Variants in CTNNA3 observed in about 807,000 individuals in gnomAD.
CTNNA3 encodes the protein catenin alpha-3.
Under a neutral mutation model 95.7 loss-of-function variants are expected in CTNNA3, and 76 were observed. The ratio of observed to expected loss-of-function variants is 0.79; its 90% confidence interval spans 0.66 to 0.96. The LOEUF (loss-of-function observed/expected upper bound fraction) is 0.96. Ranked by LOEUF, CTNNA3 falls within the 40% of genes least tolerant of loss-of-function variation. The pLI is 0.00. For missense variants in CTNNA3, 1,191 were observed against 1,089.8 expected (o/e 1.09, Z -1.31); for synonymous variants, 431 against 374.4 (o/e 1.15, Z -1.74).
At chr10:67,716,953 T>A (rs1310566523) in intron 1 of CTNNA3, among the ~76,000 whole-genome samples, 2 of 152,212 alleles carry the variant, frequency 1.3e-5, no homozygotes, top group Non-Finnish European at 2.9e-5. Flanking sequence ...GTAAAGGCAT[T>A]CCTATTTCTC....
intron 7 of CTNNA3, among the ~76,000 whole-genome samples, chr10:66,838,932 T>C (rs975544453): frequency 6.6e-6 from 1 of 152,176 alleles, no homozygotes; most frequent in Non-Finnish European, 1.5e-5. Context: ...AGTCCTTGGG[T>C]AGCCCCAAAG....
At chr10:67,304,892 T>C (rs1306259417) in intron 5 of CTNNA3, among the ~76,000 whole-genome samples, 3 of 151,696 alleles carry the variant, frequency 2.0e-5, no homozygotes, top group Non-Finnish European at 2.9e-5. Flanking sequence ...CTAAAGAGTA[T>C]AGTAAGTCAA....
chr10:67,449,468 T>G (rs1846883832), intron 5 of CTNNA3, among the ~76,000 whole-genome samples: 1 of 151,740 alleles, frequency 6.6e-6, no homozygotes, highest in Admixed American at 6.6e-5. Context: ...AGCATGGTAG[T>G]GTTACAAAAA....
At chr10:66,124,724 T>C (rs1057108451) in intron 13 of CTNNA3, among the ~76,000 whole-genome samples, 2 of 152,172 alleles carry the variant, frequency 1.3e-5, no homozygotes, top group Non-Finnish European at 1.5e-5. Context: ...CTTACATGGA[T>C]GGAGGCAGGC....
At position 67,716,495 on chromosome 10, in the gene CTNNA3, C is replaced by T. The variant is rs143455350; in HGVS notation, c.-2+46939G>A. Among the ~76,000 whole-genome samples, 4 of 152,240 alleles carry T rather than the reference C, an allele frequency of 2.6e-5. No individual in the cohort carries two copies. In the East Asian group the frequency reaches 7.7e-4, roughly 29 times the overall value. On this transcript the variant is annotated intron_variant, in intron 1 of 17. Coordinates refer to the CTNNA3 transcript ENST00000684154. ...CTAGCCTCCACCCCTCAACAGGCCC[C>T]AGTGTGTGATGTTCCCCTCCCTGTG...
chr10:66,947,623 A>T (rs1848340275), intron 7 of CTNNA3, among the ~76,000 whole-genome samples: 1 of 152,198 alleles, frequency 6.6e-6, no homozygotes, highest in African/African-American at 2.4e-5. Context: ...CTAGGACTTC[A>T]TAATTTGTAT....
intron 9 of CTNNA3, among the ~76,000 whole-genome samples, chr10:66,727,783 A>AT (rs1201868081): frequency 6.6e-6 from 1 of 152,170 alleles, no homozygotes; most frequent in Non-Finnish European, 1.5e-5. Flanking sequence ...TGTGAAACCA[A>AT]TAGCCCAGTT....
intron 7 of CTNNA3, among the ~76,000 whole-genome samples, chr10:67,133,366 C>CATACATATATATATATAT (rs145480361): frequency 2.3e-4 from 29 of 124,584 alleles, no homozygotes; most frequent in African/African-American, 9.0e-4. Flanking sequence ...TACATACATA[C>CATACATATATATATATAT]ATATATATAT....
chr10:67,215,081 T>C (rs1210823268), intron 6 of CTNNA3, among the ~76,000 whole-genome samples: 1 of 152,014 alleles, frequency 6.6e-6, no homozygotes, highest in African/African-American at 2.4e-5. Flanking sequence ...TCTTAACTGC[T>C]TTTCAAAAAA....
chr10:66,449,380 C>T (rs1292913128), intron 11 of CTNNA3, among the ~76,000 whole-genome samples: 3 of 152,002 alleles, frequency 2.0e-5, no homozygotes, highest in Non-Finnish European at 4.4e-5. Context: ...GGAACGAACA[C>T]GTCAAATACC....
At chr10:66,918,603 T>C (rs1846615199) in intron 7 of CTNNA3, among the ~76,000 whole-genome samples, 2 of 152,158 alleles carry the variant, frequency 1.3e-5, no homozygotes. Context: ...AAAGTCCAAA[T>C]GACGTGGCAT....
Position 65,920,465 on chromosome 10 carries a change from C to T in CTNNA3, c.2553G>A (p.Lys851=), listed in dbSNP as rs115814032. 7.4e-4 allele frequency: 1,194 copies of T among 1,614,052 alleles called. 13 individuals carry two copies. The African/African-American group carries it at 0.015, about 20-fold the overall frequency. Residue 851 remains lysine, a synonymous_variant, in exon 18 of 18, where the codon AAG becomes AAA. Coordinates refer to ENST00000433211, the MANE Select transcript of CTNNA3 (RefSeq NM_013266.4). ...TAATCAAGGGTTTTTTTGCAGGAGC[C>T]TTCATTCTCCACATCACAACTGGGT... is the stretch of plus-strand genomic sequence containing the variant. ...PRHPVVMWRM[K]APAKKPLIKR...
intron 5 of CTNNA3, among the ~76,000 whole-genome samples, chr10:67,490,885 T>G (rs1429652731): frequency 6.6e-6 from 1 of 152,048 alleles, no homozygotes; most frequent in Non-Finnish European, 1.5e-5. Flanking sequence ...CAGAATCCAG[T>G]AAGACAAAAG....
chr10:66,324,718 T>C (rs1276666734), intron 12 of CTNNA3, among the ~76,000 whole-genome samples: 4 of 152,044 alleles, frequency 2.6e-5, no homozygotes, highest in Admixed American at 6.6e-5. Flanking sequence ...TTCAGTTTCA[T>C]GATGACAAGA....
At chr10:67,550,811 T>G (rs1471204522) in intron 3 of CTNNA3, among the ~76,000 whole-genome samples, 1 of 152,202 alleles carries the variant, frequency 6.6e-6, no homozygotes, top group African/African-American at 2.4e-5. Context: ...TCCTCACTGC[T>G]GTGTTCATAT....
At chr10:67,474,936 T>C (rs1262902413) in intron 5 of CTNNA3, among the ~76,000 whole-genome samples, 2 of 152,168 alleles carry the variant, frequency 1.3e-5, no homozygotes, top group Non-Finnish European at 2.9e-5. Flanking sequence ...TTTATCCAAG[T>C]AAAATGAAAA....
chr10:67,510,593 G>A (rs536043001), intron 5 of CTNNA3, among the ~76,000 whole-genome samples: 9 of 152,034 alleles, frequency 5.9e-5, no homozygotes, highest in Admixed American at 5.2e-4. Context: ...TTTGGTTACT[G>A]CAGCCTTGTA....
chr10:66,330,000 C>A, intron 12 of CTNNA3, among the ~76,000 whole-genome samples: 1 of 151,354 alleles, frequency 6.6e-6, no homozygotes, highest in East Asian at 1.9e-4. Flanking sequence ...ATTCCAAGCT[C>A]AAAAAATAAA....
chr10:66,669,753 A>C (rs1473586083), intron 9 of CTNNA3, among the ~76,000 whole-genome samples: 1 of 152,086 alleles, frequency 6.6e-6, no homozygotes, highest in Non-Finnish European at 1.5e-5. Context: ...GAATTTTCCA[A>C]GCTTTGATAA....
Sources: gnomAD v4.1 joint callset for allele counts (sites outside exome capture counted in the v4.1 genomes callset) on GRCh38, gnomAD v4.1.1 for gene constraint, MANE v1.5 for transcripts, NCBI Gene and HGNC (gene_info 2026-07-23, HGNC 2026-07-21) for gene names.